Variants in EHMT1 observed in about 807,000 individuals in gnomAD.
EHMT1 encodes histone-lysine N-methyltransferase EHMT1.
In EHMT1, 15 loss-of-function variants were observed where a neutral mutation model predicts 147.2. That is an observed-to-expected ratio of 0.10 (90% CI 0.07 to 0.16). The LOEUF is 0.16. Ranked by LOEUF, EHMT1 falls within the 10% of genes least tolerant of loss-of-function variation. The probability of loss-of-function intolerance (pLI) is 1.00; values close to 1 mark genes in which losing one functional copy is unlikely to be tolerated. For synonymous variants in EHMT1, 795 were observed against 709.6 expected (o/e 1.12, Z -1.91); for missense variants, 1,587 against 1,772.4 (o/e 0.90, Z 1.88).
intron 1 of EHMT1, among the ~76,000 whole-genome samples, chr9:137,677,300 C>T (rs529288432): frequency 6.6e-6 from 1 of 151,970 alleles, no homozygotes; most frequent in East Asian, 1.9e-4. Flanking sequence ...GTCTGGCTAA[C>T]TTTTGTATTT....
intron 4 of EHMT1, among the ~76,000 whole-genome samples, chr9:137,741,108 C>T (rs1391713471): frequency 2.0e-5 from 3 of 152,092 alleles, no homozygotes; most frequent in African/African-American, 2.4e-5. Flanking sequence ...TCCCGAGTAG[C>T]TGGGACTACA....
rs1369490460 is a variant in EHMT1 at position 137,762,741 on chromosome 9, G to A, written c.1568G>A (p.Arg523Gln). ...GLQEVPLCSC[R>Q]METPKSREIT... ...CAGGAAGTGCCTCTCTGCAGCTGCC[G>A]GATGGAAACACCGAAGAGTCGAGAG... The change falls in exon 10 of 27, where the codon CGG becomes CAG. Residue 523 changes from arginine (R) to glutamine (Q), a missense_variant. Transcript: ENST00000460843. 6 of 1,614,166 alleles carry A rather than the reference G, an allele frequency of 3.7e-6. No individual in the cohort carries two copies. The highest frequency in any genetic ancestry group is 1.6e-4 in the Middle Eastern group (1 of 6,062).
In EHMT1 at chr9:137,803,837, T is replaced by TA. The variant is rs773946581; in HGVS notation, c.2712+2870dup. The stretch of plus-strand genomic sequence containing the variant: ...CTGCACCCCAGCCTGTCTCAAAAAT[T>TA]AAAAAAAAAAAAAAAAACCTGCCAA... On this transcript the variant is annotated intron_variant, in intron 18 of 26. Coordinates refer to ENST00000460843, the MANE Select transcript of EHMT1 (RefSeq NM_024757.5). Among the ~76,000 whole-genome samples the TA allele has an allele frequency of 5.9e-3, 755 of 126,960 alleles. 3 individuals are homozygous for TA. Among genetic ancestry groups the TA allele is most frequent in the South Asian group, 0.012 (45 of 3,842 alleles). 83.3% of individuals were successfully genotyped at this position (126,960 alleles called of 152,430 possible).
At chr9:137,815,899 A>AT (rs775477439) in intron 22 of EHMT1, 48 bp from the exon 23 acceptor site, 1 of 1,468,214 alleles carries the variant, frequency 6.8e-7, no homozygotes. Flanking sequence ...CAGTTCAATT[A>AT]AAGAGTGAGT....
chr9:137,657,409 C>T (rs530112609), intron 1 of EHMT1, among the ~76,000 whole-genome samples: 34 of 151,308 alleles, frequency 2.2e-4, no homozygotes, highest in Middle Eastern at 3.4e-3. Flanking sequence ...GAGGCTGTCG[C>T]GCTCGTTAGG....
At chr9:137,798,505 G>A (rs1309783899) in intron 16 of EHMT1, among the ~76,000 whole-genome samples, 1 of 152,180 alleles carries the variant, frequency 6.6e-6, no homozygotes, top group African/African-American at 2.4e-5. Context: ...TGGGCCTGGC[G>A]CTCTTTGTGT....
intron 1 of EHMT1, among the ~76,000 whole-genome samples, chr9:137,668,966 A>G (rs1940059232): frequency 6.6e-6 from 1 of 152,172 alleles, no homozygotes; most frequent in Non-Finnish European, 1.5e-5. Context: ...AGCTCACTGC[A>G]AGCTCCGCCT....
intron 1 of EHMT1, among the ~76,000 whole-genome samples, chr9:137,699,589 C>G (rs755324147): frequency 6.6e-6 from 1 of 151,926 alleles, no homozygotes; most frequent in Non-Finnish European, 1.5e-5. Context: ...GCAAGAGAAT[C>G]GCTTGAGCCC....
intron 17 of EHMT1, chr9:137,800,238 A>G (rs1953344768): frequency 6.5e-6 from 1 of 152,878 alleles, no homozygotes; most frequent in African/African-American, 2.4e-5. Context: ...TCTGGCTTAA[A>G]GAAAATTGCC....
intron 1 of EHMT1, among the ~76,000 whole-genome samples, chr9:137,636,998 C>T (rs1187531891): frequency 2.7e-5 from 4 of 147,172 alleles, no homozygotes; most frequent in African/African-American, 5.0e-5. Context: ...CCTGGGTTCA[C>T]GCCATTCTCC....
intron 1 of EHMT1, among the ~76,000 whole-genome samples, chr9:137,649,212 G>GTGT (rs1845125790): frequency 3.9e-5 from 6 of 152,134 alleles, no homozygotes; most frequent in Admixed American, 3.9e-4. Context: ...GTGAGGCCAA[G>GTGT]GCGGGTGGAT....
intron 6 of EHMT1, chr9:137,745,646 G>T (rs752303962): frequency 7.5e-6 from 3 of 398,072 alleles, no homozygotes; most frequent in Non-Finnish European, 1.3e-5. Context: ...AGCTGCCGCG[G>T]TCTCTGCACA....
chr9:137,820,484 A>G (rs2132865261), intron 25 of EHMT1, among the ~76,000 whole-genome samples: 1 of 152,324 alleles, frequency 6.6e-6, no homozygotes, highest in African/African-American at 2.4e-5. Context: ...AGGAGTGAAC[A>G]GAAGTTCTTT....
chr9:137,625,640 C>G (rs1006254112), intron 1 of EHMT1, among the ~76,000 whole-genome samples: 2 of 151,666 alleles, frequency 1.3e-5, no homozygotes, highest in Admixed American at 1.3e-4. Context: ...GTGTGGCCGA[C>G]AGTTTATTCT....
At chr9:137,737,996 C>T (rs1465166046) in intron 4 of EHMT1, among the ~76,000 whole-genome samples, 4 of 152,086 alleles carry the variant, frequency 2.6e-5, no homozygotes, top group Non-Finnish European at 4.4e-5. Context: ...GAGTTCCAGA[C>T]GAGCCGAGCC....
At chr9:137,641,905 A>G (rs969410461) in intron 1 of EHMT1, among the ~76,000 whole-genome samples, 3 of 151,546 alleles carry the variant, frequency 2.0e-5, no homozygotes, top group Non-Finnish European at 4.4e-5. Context: ...GCTCATGGCA[A>G]CCTCTGCCCC....
chr9:137,663,767 A>T (rs180925616), intron 1 of EHMT1, among the ~76,000 whole-genome samples: 6 of 152,214 alleles, frequency 3.9e-5, no homozygotes, highest in Middle Eastern at 3.4e-3. Flanking sequence ...CTTGTAGGGG[A>T]ATAACAATGT....
In EHMT1 at chr9:137,817,424, C is replaced by T; in HGVS notation, c.3375-15C>T. The T allele has an allele frequency of 2.1e-6, 3 of 1,430,838 alleles. No individual in the cohort carries two copies. Among genetic ancestry groups the T allele is most frequent in the Non-Finnish European group, 2.9e-6 (3 of 1,042,006 alleles). 88.6% of individuals were successfully genotyped at this position (1,430,838 alleles called of 1,614,324 possible). On this transcript the variant is annotated splice_polypyrimidine_tract_variant and intron_variant, in intron 23 of 26. Transcript: ENST00000460843. ...AGGCTGTGGCCTGGGTTCACCACTA[C>T]TCTCTATTTTTCAGGGCAAGGCTGC... is the stretch of plus-strand genomic sequence containing the variant.
At chr9:137,805,442 ATG>A (rs1290193788) in intron 18 of EHMT1, among the ~76,000 whole-genome samples, 1 of 152,210 alleles carries the variant, frequency 6.6e-6, no homozygotes, top group Admixed American at 6.5e-5. Flanking sequence ...AGTCGTCCAG[ATG>A]TGTGTGTCAG....
Sources: gnomAD v4.1 joint callset for allele counts (sites outside exome capture counted in the v4.1 genomes callset) on GRCh38, gnomAD v4.1.1 for gene constraint, MANE v1.5 for transcripts, NCBI Gene and HGNC (gene_info 2026-07-23, HGNC 2026-07-21) for gene names.